The following SHOC1 variants were observed in gnomAD, a reference collection of about 807,000 sequenced individuals.
The protein encoded by SHOC1 is protein shortage in chiasmata 1 ortholog.
Under a neutral mutation model 179.2 loss-of-function variants are expected in SHOC1, and 136 were observed. The observed-to-expected ratio is 0.76, with a 90% CI of 0.66 to 0.87. The LOEUF (loss-of-function observed/expected upper bound fraction) is 0.87. SHOC1 is among the 40% of genes least tolerant of loss of function. The pLI, the probability that SHOC1 is intolerant of heterozygous loss-of-function variation, is 0.00. For synonymous variants in SHOC1, 489 were observed against 586.6 expected (o/e 0.83, Z 2.41); for missense variants, 1,538 against 1,700.8 (o/e 0.90, Z 1.68).
intron 5 of SHOC1, among the ~76,000 whole-genome samples, chr9:111,774,711 A>C (rs1835763570): frequency 6.6e-6 from 1 of 151,990 alleles, no homozygotes. Flanking sequence ...TATATATATC[A>C]TCACACAGCT....
At chr9:111,707,391 T>C (rs1199733782) in intron 19 of SHOC1, among the ~76,000 whole-genome samples, 1 of 53,164 alleles carries the variant, frequency 1.9e-5, no homozygotes, top group East Asian at 1.3e-3. Context: ...GATCCCAATA[T>C]TTGAAAAAAA....
chr9:111,776,432 T>C (rs11794792), intron 4 of SHOC1, among the ~76,000 whole-genome samples: 28,650 of 152,230 alleles, frequency 0.19, 2,891 homozygotes, highest in Non-Finnish European at 0.22. Context: ...ACAGAAATGA[T>C]AAAGTTAAAA....
intron 7 of SHOC1, 146 bp downstream of exon 7, chr9:111,757,938 T>G (rs752624959): frequency 5.9e-6 from 3 of 507,818 alleles, no homozygotes; most frequent in Non-Finnish European, 1.0e-5. Flanking sequence ...TATTTAGAAG[T>G]AAATTTGACT....
At chr9:111,769,053 C>T (rs1835465261) in intron 5 of SHOC1, among the ~76,000 whole-genome samples, 1 of 152,164 alleles carries the variant, frequency 6.6e-6, no homozygotes, top group Admixed American at 6.5e-5. Flanking sequence ...TGATGTGTCA[C>T]ATTTAATGAT....
At chr9:111,780,497 C>T (rs1169042717) in intron 4 of SHOC1, among the ~76,000 whole-genome samples, 3 of 151,986 alleles carry the variant, frequency 2.0e-5, no homozygotes, top group Non-Finnish European at 4.4e-5. Context: ...TTCTTGTGTT[C>T]TTTGAAGGTT....
chr9:111,707,624 T>G (rs1832336076), intron 19 of SHOC1, among the ~76,000 whole-genome samples: 1 of 152,088 alleles, frequency 6.6e-6, no homozygotes, highest in South Asian at 2.1e-4. Flanking sequence ...TATTATTATT[T>G]GGGGATATTA....
chr9:111,748,970 TCC>T (rs1477629285), intron 8 of SHOC1, among the ~76,000 whole-genome samples: 1 of 49,356 alleles, frequency 2.0e-5, no homozygotes, highest in East Asian at 9.9e-4. Context: ...CCTTTTATTT[TCC>T]CCTCCCTCCC....
intron 5 of SHOC1, among the ~76,000 whole-genome samples, chr9:111,763,927 C>CA (rs1480148569): frequency 2.6e-5 from 4 of 151,952 alleles, no homozygotes; most frequent in South Asian, 2.1e-4. Context: ...CAAAACAAAA[C>CA]AAAAAAACAG....
chr9:111,774,893 T>C (rs1379192589), intron 5 of SHOC1, among the ~76,000 whole-genome samples: 4 of 152,094 alleles, frequency 2.6e-5, no homozygotes, highest in Non-Finnish European at 5.9e-5. Flanking sequence ...CTGTTATACA[T>C]ACAAGAAAGG....
intron 5 of SHOC1, among the ~76,000 whole-genome samples, chr9:111,769,982 TTTTG>T (rs869241961): frequency 0.099 from 3,728 of 37,650 alleles, 136 homozygotes; most frequent in East Asian, 0.21. Context: ...TCTGTTTTTT[TTTTG>T]TTTTTTTTTT....
intron 16 of SHOC1, among the ~76,000 whole-genome samples, chr9:111,717,029 A>G (rs2131393830): frequency 6.6e-6 from 1 of 152,348 alleles, no homozygotes; most frequent in South Asian, 2.1e-4. Flanking sequence ...CTCTACAAAC[A>G]GTGAGATTGG....
chr9:111,758,194 C>A lies in SHOC1; in HGVS notation c.598G>T (p.Glu200Ter). The A allele has an allele frequency of 6.6e-7, 1 of 1,521,992 alleles. No individual in the cohort carries two copies. The highest frequency in any genetic ancestry group is 1.3e-5 in the South Asian group (1 of 79,498). 94.3% of individuals were successfully genotyped at this position (1,521,992 alleles called of 1,614,324 possible). A position where few individuals can be genotyped will look rare whatever the true frequency, so the allele number is the denominator to read the frequency against. Reference protein sequence around the residue: ...QIFTEANFSRECFSLQETLEA... With the variant: ...QIFTEANFSR The stretch of plus-strand genomic sequence containing the variant: ...AAAGTTTCTTGAAGAGAGAAACATT[C>A]CCTTAAAAAAAAATACATTAATTAG... The change falls in exon 7 of 28, where the codon GAA (glutamate) becomes TAA (stop). Residue 200 changes from glutamate to a stop codon, truncating the protein, a stop_gained and splice_region_variant. Transcript: ENST00000682961. LOFTEE classifies it high-confidence loss of function.
At chr9:111,722,627 T>C (rs772760361) in intron 14 of SHOC1, 42 bp from the exon 15 acceptor site, 67 of 1,517,986 alleles carry the variant, frequency 4.4e-5, no homozygotes, top group Admixed American at 1.2e-4. Flanking sequence ...TTAATAAAGA[T>C]GGTATGCTCT....
chr9:111,768,427 C>G (rs1306791302), intron 5 of SHOC1, among the ~76,000 whole-genome samples: 3 of 151,972 alleles, frequency 2.0e-5, no homozygotes, highest in Non-Finnish European at 2.9e-5. Flanking sequence ...TTCACCATGT[C>G]AGGCTGGTCT....
At chr9:111,722,275 T>G (rs1589407400) in intron 15 of SHOC1, 134 bp downstream of exon 15, 4 of 719,856 alleles carry the variant, frequency 5.6e-6, no homozygotes. Context: ...TTTGGCTGGG[T>G]ATCACAAGCT....
rs12343237 is a variant in SHOC1, at chr9:111,692,452, C to T, written c.3525G>A (p.Pro1175=). The T allele has an allele frequency of 0.021, 34,052 of 1,603,890 alleles. 1,191 individuals carry two copies. The highest frequency in any genetic ancestry group is 0.15 in the African/African-American group (11,114 of 74,528). The change falls in exon 27 of 28, where the codon CCG becomes CCA. Residue 1175 remains proline, a synonymous_variant. Transcript: ENST00000682961. Reference sequence around the variant, plus strand: ...TATTTTCCTGAGGTGACGAAATTTGCGGTGATTTTGTTATGGAAGAAGAAC... The same window carrying T: ...TATTTTCCTGAGGTGACGAAATTTGTGGTGATTTTGTTATGGAAGAAGAAC... ...KIGSSSITKS[P]QISSPQENRN...
At chr9:111,785,806 C>T in intron 3 of SHOC1, 106 bp downstream of exon 3, 1 of 913,920 alleles carries the variant, frequency 1.1e-6, no homozygotes, top group Middle Eastern at 3.0e-4. Context: ...TGAGTAGATG[C>T]AATGAGTTTT....
intron 15 of SHOC1, 34 bp from the exon 16 acceptor site, chr9:111,718,322 C>A (rs2418174): frequency 0.56 from 773,567 of 1,378,524 alleles, 220,446 homozygotes; most frequent in East Asian, 0.89. Flanking sequence ...AAAACATAGA[C>A]TATACATTAC....
At chr9:111,717,302 A>G (rs1832834289) in intron 16 of SHOC1, among the ~76,000 whole-genome samples, 2 of 152,212 alleles carry the variant, frequency 1.3e-5, no homozygotes, top group Non-Finnish European at 2.9e-5. Context: ...ACCATTGTTA[A>G]ACAAGTCTAG....
Sources: allele counts gnomAD v4.1 joint callset (sites outside exome capture counted in the v4.1 genomes callset), GRCh38; gene constraint gnomAD v4.1.1; transcripts MANE v1.5; gene names NCBI Gene and HGNC (gene_info 2026-07-23, HGNC 2026-07-21).